The following MTFR1 variants were observed in gnomAD, a reference collection of about 807,000 sequenced individuals.
MTFR1 encodes the protein mitochondrial fission regulator 1, also known as chondrocyte protein with a poly-proline region.
In MTFR1, 28 loss-of-function variants were observed where a neutral mutation model predicts 38.8. The observed-to-expected ratio is 0.72, with a 90% confidence interval of 0.53 to 0.99. The LOEUF is 0.99. Ranked by LOEUF, MTFR1 falls within the 50% of genes least tolerant of loss-of-function variation. The pLI is 0.00. For missense variants in MTFR1, 358 were observed against 395.5 expected, an observed-to-expected ratio of 0.91 and a Z score of 0.81; for synonymous variants, 145 against 137.0, an observed-to-expected ratio of 1.06 and a Z score of -0.41.
chr8:65,732,861 T>G (rs1251225794), intron 3 of MTFR1, among the ~76,000 whole-genome samples: 1 of 151,184 alleles, frequency 6.6e-6, no homozygotes, highest in African/African-American at 2.4e-5. Context: ...AGTGACTCTG[T>G]TTTTTTTTCT....
intron 1 of MTFR1, among the ~76,000 whole-genome samples, chr8:65,666,893 CTG>C (rs1340181331): frequency 6.6e-6 from 1 of 152,192 alleles, no homozygotes; most frequent in African/African-American, 2.4e-5. Flanking sequence ...CCCATTCACT[CTG>C]TGCCCCACTT....
Position 65,679,140 on chromosome 8 carries a change from T to G in MTFR1, c.67-3213T>G, listed in dbSNP as rs552965820. 5.3e-5 allele frequency among the ~76,000 whole-genome samples: 8 copies of G among 152,336 alleles called. No individual in the cohort carries two copies. In the South Asian group the frequency reaches 6.2e-4, roughly 12 times the overall value. Reference sequence around the variant, plus strand: ...CTTGCTGGAGGGGAGAAAGATTCACTTTAGACTGTCTAATTGTCACGTTGT... The same window carrying G: ...CTTGCTGGAGGGGAGAAAGATTCACGTTAGACTGTCTAATTGTCACGTTGT... On this transcript the variant is annotated intron_variant, in intron 2 of 7. Transcript: ENST00000262146.
At chr8:65,727,235 C>G (rs748532944) in intron 3 of MTFR1, 1 of 1,613,828 alleles carries the variant, frequency 6.2e-7, no homozygotes. Context: ...CCTGGATGAT[C>G]CAGATCATGA....
chr8:65,762,815 G>C (rs2128915315), intron 3 of MTFR1, among the ~76,000 whole-genome samples: 1 of 152,006 alleles, frequency 6.6e-6, no homozygotes, highest in East Asian at 1.9e-4. Context: ...AAATATTTCA[G>C]AATAAGCATA....
intron 1 of MTFR1, among the ~76,000 whole-genome samples, chr8:65,648,294 G>A (rs764101520): frequency 1.3e-5 from 2 of 152,162 alleles, no homozygotes; most frequent in Non-Finnish European, 2.9e-5. Context: ...TGGGATTACA[G>A]GCGTGAGTCA....
intron 3 of MTFR1, among the ~76,000 whole-genome samples, chr8:65,739,240 T>C (rs1807293251): frequency 6.6e-6 from 1 of 152,256 alleles, no homozygotes; most frequent in South Asian, 2.1e-4. Flanking sequence ...CCTGGTATCC[T>C]AGCTGAGGTC....
chr8:65,682,765 A>G (rs947346702), intron 3 of MTFR1: 38 of 985,184 alleles, frequency 3.9e-5, no homozygotes, highest in Non-Finnish European at 4.0e-5. Flanking sequence ...CAGGTGCTTC[A>G]TGTACCACCA....
At chr8:65,741,784 T>A (rs1256309770) in intron 3 of MTFR1, among the ~76,000 whole-genome samples, 1 of 152,236 alleles carries the variant, frequency 6.6e-6, no homozygotes, top group Non-Finnish European at 1.5e-5. Context: ...ATATTTAGAT[T>A]ATCATAAGGT....
chr8:65,741,351 C>T (rs1807426295), intron 3 of MTFR1, among the ~76,000 whole-genome samples: 2 of 151,988 alleles, frequency 1.3e-5, no homozygotes, highest in South Asian at 4.1e-4. Context: ...ATACTAGTCC[C>T]AAATTGAAAA....
intron 3 of MTFR1, among the ~76,000 whole-genome samples, chr8:65,732,611 T>G (rs992964219): frequency 2.0e-5 from 3 of 152,182 alleles, no homozygotes; most frequent in African/African-American, 7.2e-5. Context: ...CCTCCCAGGC[T>G]CAAGTGATCC....
Position 65,688,079 on chromosome 8 carries a change from G to A in MTFR1, c.166-5565G>A, listed in dbSNP as rs1484085434. ...TGTGCCGTTGCACTCCAGCCTGGGC[G>A]ACAGGGCAAGACTCCGTCTAAAAAA... On this transcript the variant is annotated intron_variant, in intron 3 of 7. Coordinates refer to ENST00000262146, the MANE Select transcript of MTFR1 (RefSeq NM_014637.4). Among the ~76,000 whole-genome samples, 7 of 140,982 alleles carry A rather than the reference G, an allele frequency of 5.0e-5. No homozygotes were observed. In the East Asian group the frequency reaches 6.5e-4, roughly 13 times the overall value. The allele number at this position is 140,982 out of a possible 152,430, so 92.5% of individuals were successfully genotyped here. A position where few individuals can be genotyped will look rare whatever the true frequency, so the allele number is the denominator to read the frequency against.
intron 3 of MTFR1, among the ~76,000 whole-genome samples, chr8:65,737,194 G>T (rs1464164460): frequency 6.6e-6 from 1 of 152,056 alleles, no homozygotes; most frequent in Non-Finnish European, 1.5e-5. Flanking sequence ...TTCCAGATAT[G>T]CTGCACAAAA....
chr8:65,668,525 CTTT>C (rs144265003), intron 1 of MTFR1, among the ~76,000 whole-genome samples: 2 of 127,024 alleles, frequency 1.6e-5, no homozygotes, highest in African/African-American at 2.9e-5. Context: ...TTTCTTTTTT[CTTT>C]TTTTTTTTTT....
chr8:65,765,200 A>G lies in MTFR1; in HGVS notation c.*49-5747A>G, dbSNP rs1344924035. Among the ~76,000 whole-genome samples the G allele has an allele frequency of 2.0e-5, 3 of 152,182 alleles. No homozygotes were observed. The East Asian group carries it at 5.8e-4, about 29-fold the overall frequency. On this transcript the variant is annotated intron_variant, in intron 3 of 3. Transcript: ENST00000521247. Reference sequence around the variant, plus strand: ...TTAAAATGAATACAGAGCTCAAGATAATGGGCGAGCCGGGCGCGGTGGCTC... The same window carrying G: ...TTAAAATGAATACAGAGCTCAAGATGATGGGCGAGCCGGGCGCGGTGGCTC...
chr8:65,719,286 G>T (rs774975473), intron 2 of MTFR1: 2 of 1,607,284 alleles, frequency 1.2e-6, no homozygotes, highest in African/African-American at 2.7e-5. Flanking sequence ...ACTGGTTCTG[G>T]GGGTTATGAT....
At chr8:65,650,281 T>C (rs555451290) in intron 1 of MTFR1, among the ~76,000 whole-genome samples, 2 of 141,848 alleles carry the variant, frequency 1.4e-5, no homozygotes, top group Non-Finnish European at 3.1e-5. Flanking sequence ...CAAGCAATTC[T>C]CTGCCTCAGC....
At chr8:65,738,273 C>T (rs752564175) in intron 3 of MTFR1, among the ~76,000 whole-genome samples, 64 of 123,870 alleles carry the variant, frequency 5.2e-4, no homozygotes, top group Non-Finnish European at 2.8e-4. Flanking sequence ...TTGTATATAA[C>T]CAAATAAATT....
Position 65,664,737 on chromosome 8 carries a change from C to T in MTFR1, c.-80-5136C>T, listed in dbSNP as rs945326742. Among the ~76,000 whole-genome samples the T allele has an allele frequency of 4.6e-5, 7 of 150,614 alleles. No homozygotes were observed. The East Asian group carries it at 1.4e-3, about 29-fold the overall frequency. ...TCAGCCTCCCAGGTAGCTGGGATTA[C>T]AGGCACACACTACCATACCCGGCTA... On this transcript the variant is annotated intron_variant, in intron 1 of 7. Transcript: ENST00000262146.
In MTFR1 at chr8:65,709,681, G is replaced by A. The variant is rs1053327810; in HGVS notation, c.*637G>A. On this transcript the variant is annotated 3_prime_UTR_variant, in exon 8 of 8. Transcript: ENST00000262146. ...CTGAAATTCCATAATGCTTCCCATT[G>A]AAGGGAAGTTGAGAACCAGGAAAGC... is the stretch of plus-strand genomic sequence containing the variant. 4 of 152,668 alleles carry A rather than the reference G, an allele frequency of 2.6e-5. No individual in the cohort carries two copies. The highest frequency in any genetic ancestry group is 9.6e-5 in the African/African-American group (4 of 41,460). The allele number at this position is 152,668 out of a possible 1,614,324, so 9.5% of individuals were successfully genotyped here. A position where few individuals can be genotyped will look rare whatever the true frequency, so the allele number is the denominator to read the frequency against.
Sources: gnomAD v4.1 joint callset for allele counts (sites outside exome capture counted in the v4.1 genomes callset) on GRCh38, gnomAD v4.1.1 for gene constraint, MANE v1.5 for transcripts, NCBI Gene and HGNC (gene_info 2026-07-23, HGNC 2026-07-21) for gene names.